Variants in PRKCH observed in about 807,000 individuals in gnomAD.
The protein encoded by PRKCH is protein kinase C eta.
Under a neutral mutation model 82.5 loss-of-function variants are expected in PRKCH, and 28 were observed. That is an observed-to-expected ratio of 0.34 (90% CI 0.25 to 0.47). PRKCH has a LOEUF of 0.47. Ranked by LOEUF, PRKCH falls within the 20% of genes least tolerant of loss-of-function variation. The pLI is 1.00. For synonymous variants in PRKCH, 322 were observed against 327.4 expected (o/e 0.98, Z 0.18); for missense variants, 705 against 881.8 (o/e 0.80, Z 2.54).
At chr14:61,360,979 C>T (rs371493330) in intron 1 of PRKCH, 16 of 152,352 alleles carry the variant, frequency 1.1e-4, no homozygotes, top group Middle Eastern at 3.4e-3. Context: ...ACAGTAGCTA[C>T]GCACGGAAAG....
Position 61,391,282 on chromosome 14 carries a change from A to G in PRKCH, c.421A>G (p.Thr141Ala). 2 of 1,609,242 alleles carry G rather than the reference A, an allele frequency of 1.2e-6. No homozygotes were observed. The highest frequency in any genetic ancestry group is 1.7e-6 in the Non-Finnish European group (2 of 1,177,720). ...GGTAATAACCCTTACCGGGAGTTTC[A>G]CTGAAGGTAAGAATGAGTTTTGGGT... Reference protein sequence around the residue: ...FVVITLTGSFTEATLQRDRIF... With the variant: ...FVVITLTGSFAEATLQRDRIF... Residue 141 changes from threonine (T) to alanine (A), a missense_variant, in exon 2 of 14, where the codon ACT (threonine) becomes GCT (alanine). By Grantham distance (58) the Thr-to-Ala change is moderately conservative (BLOSUM62 0). This residue lies in a region of PRKCH where 246 missense variants were observed against 308.0 expected (regional missense o/e 0.80). Transcript: ENST00000332981.
At chr14:61,233,417 A>G (rs1391624325) in intron 1 of PRKCH, among the ~76,000 whole-genome samples, 1 of 152,128 alleles carries the variant, frequency 6.6e-6, no homozygotes, top group Non-Finnish European at 1.5e-5. Flanking sequence ...AGAAAAAGAA[A>G]AAAAAGCCAG....
At chr14:61,542,163 A>G (rs943960604) in intron 12 of PRKCH, among the ~76,000 whole-genome samples, 2 of 151,958 alleles carry the variant, frequency 1.3e-5, no homozygotes, top group African/African-American at 4.8e-5. Context: ...GGTGGTGCAC[A>G]CCTGTAATCC....
At chr14:61,513,038 TTACAG>T (rs772835584) in intron 10 of PRKCH, among the ~76,000 whole-genome samples, 1 of 152,112 alleles carries the variant, frequency 6.6e-6, no homozygotes, top group Non-Finnish European at 1.5e-5. Flanking sequence ...AAGCTGACAC[TTACAG>T]TAACAGTAGG....
intron 9 of PRKCH, among the ~76,000 whole-genome samples, chr14:61,462,126 G>T (rs983954909): frequency 2.0e-5 from 3 of 152,198 alleles, no homozygotes; most frequent in Non-Finnish European, 4.4e-5. Flanking sequence ...AGAAGCAAGT[G>T]AGGCTGGGCG....
At chr14:61,403,840 T>C (rs547250930) in intron 2 of PRKCH, among the ~76,000 whole-genome samples, 90 of 152,306 alleles carry the variant, frequency 5.9e-4, no homozygotes, top group Non-Finnish European at 1.1e-3. Flanking sequence ...CAAGCTTTAT[T>C]GTTTTTTCCT....
intron 6 of PRKCH, chr14:61,453,009 T>G (rs1694030232): frequency 1.7e-6 from 1 of 583,686 alleles, no homozygotes; most frequent in Admixed American, 3.3e-5. Flanking sequence ...AATATATTAT[T>G]CTTTAGTATG....
intron 1 of PRKCH, among the ~76,000 whole-genome samples, chr14:61,353,195 A>G (rs1011732606): frequency 6.6e-6 from 1 of 152,206 alleles, no homozygotes; most frequent in African/African-American, 2.4e-5. Flanking sequence ...TGGAAAATGA[A>G]GCATCGAGCA....
intron 10 of PRKCH, among the ~76,000 whole-genome samples, chr14:61,521,052 T>A (rs1456944590): frequency 6.6e-6 from 1 of 152,214 alleles, no homozygotes; most frequent in Non-Finnish European, 1.5e-5. Flanking sequence ...TTATAGAGAA[T>A]GAGCCAGAGG....
chr14:61,459,520 A>T (rs1203001578), intron 9 of PRKCH, among the ~76,000 whole-genome samples: 1 of 152,210 alleles, frequency 6.6e-6, no homozygotes, highest in Non-Finnish European at 1.5e-5. Flanking sequence ...CCAGGCCATG[A>T]AGAGCCTTGT....
intron 10 of PRKCH, among the ~76,000 whole-genome samples, chr14:61,486,967 G>A (rs898055719): frequency 6.6e-6 from 1 of 152,198 alleles, no homozygotes; most frequent in Non-Finnish European, 1.5e-5. Context: ...ATAAACTCAT[G>A]ACAGTATTGA....
At chr14:61,457,703 C>A in intron 9 of PRKCH, 24 bp downstream of exon 9, 1 of 1,609,504 alleles carries the variant, frequency 6.2e-7, no homozygotes. Flanking sequence ...ACATTCACTG[C>A]ACCAACAGCC....
At chr14:61,395,291 C>CCG (rs33937927) in intron 2 of PRKCH, among the ~76,000 whole-genome samples, 1 of 3,518 alleles carries the variant, frequency 2.8e-4, no homozygotes, top group Non-Finnish European at 4.4e-3. Context: ...GGAAATGGAG[C>CCG]CCCCCCCCGC....
chr14:61,210,111 AATATATATAT>A lies in PRKCH; in HGVS notation c.-19+22485_-19+22494del, dbSNP rs60055073. Reference sequence around the variant, plus strand: ...AAAAAACAAAACAAACAAACAAACAAATATATATATATATATATATATATATATATATATA... The same window carrying A: ...AAAAAACAAAACAAACAAACAAACAAATATATATATATATATATATATATA... On this transcript the variant is annotated intron_variant, in intron 1 of 3. Transcript: ENST00000555185. 4.3e-3 allele frequency among the ~76,000 whole-genome samples: 374 copies of A among 87,274 alleles called. 2 individuals are homozygous for A. The highest frequency in any genetic ancestry group is 0.011 in the African/African-American group (287 of 25,590). 57.3% of individuals were successfully genotyped at this position (87,274 alleles called of 152,430 possible). A position where few individuals can be genotyped will look rare whatever the true frequency, so the allele number is the denominator to read the frequency against.
intron 1 of PRKCH, among the ~76,000 whole-genome samples, chr14:61,223,546 TC>T (rs2044672075): frequency 6.6e-6 from 1 of 152,176 alleles, no homozygotes; most frequent in Non-Finnish European, 1.5e-5. Flanking sequence ...ACCCCTGCCC[TC>T]CTCCCTGGGA....
At chr14:61,231,955 G>C (rs2044748282) in intron 1 of PRKCH, among the ~76,000 whole-genome samples, 1 of 152,164 alleles carries the variant, frequency 6.6e-6, no homozygotes, top group Non-Finnish European at 1.5e-5. Flanking sequence ...GACGCCAGCT[G>C]GATGTCCTCT....
At chr14:61,359,017 C>T (rs879164743) in intron 1 of PRKCH, among the ~76,000 whole-genome samples, 2 of 152,188 alleles carry the variant, frequency 1.3e-5, no homozygotes, top group South Asian at 2.1e-4. Context: ...GCACTTACCA[C>T]GTTGGATCAT....
intron 1 of PRKCH, among the ~76,000 whole-genome samples, chr14:61,236,710 CAAAAAAAAAA>C (rs35185475): frequency 2.4e-4 from 21 of 87,672 alleles, no homozygotes; most frequent in South Asian, 4.5e-4. Flanking sequence ...TGTCTCAAAA[CAAAAAAAAAA>C]AAAAAAAAAA....
intron 1 of PRKCH, among the ~76,000 whole-genome samples, chr14:61,194,105 G>A (rs1959667): frequency 0.34 from 51,595 of 151,936 alleles, 9,352 homozygotes; most frequent in African/African-American, 0.45. Context: ...TTTAAAAGGT[G>A]TTCCATTTCC....
Sources: allele counts gnomAD v4.1 joint callset (sites outside exome capture counted in the v4.1 genomes callset), GRCh38; gene constraint gnomAD v4.1.1; regional missense constraint gnomAD v4.1.1; transcripts MANE v1.5; gene names NCBI Gene and HGNC (gene_info 2026-07-23, HGNC 2026-07-21).